The following MRTFA variants were observed in gnomAD, a reference collection of about 807,000 sequenced individuals.
MRTFA encodes myocardin-related transcription factor A.
In MRTFA, 20 loss-of-function variants were observed where a neutral mutation model predicts 83.5. The observed-to-expected ratio is 0.24, with a 90% CI of 0.17 to 0.35. The LOEUF (loss-of-function observed/expected upper bound fraction) is 0.35. MRTFA is among the 10% of genes least tolerant of loss of function. The pLI is 1.00. For synonymous variants in MRTFA, 659 were observed against 541.2 expected (o/e 1.22, Z -3.02); for missense variants, 1,200 against 1,224.7 (o/e 0.98, Z 0.30).
intron 3 of MRTFA, among the ~76,000 whole-genome samples, chr22:40,480,940 C>T (rs1003891995): frequency 6.6e-6 from 1 of 151,786 alleles, no homozygotes; most frequent in Non-Finnish European, 1.5e-5. Flanking sequence ...CTGAGCAACA[C>T]AGGGAGACCC....
At chr22:40,441,896 G>C (rs746368159) in intron 4 of MRTFA, among the ~76,000 whole-genome samples, 1 of 151,908 alleles carries the variant, frequency 6.6e-6, no homozygotes, top group Non-Finnish European at 1.5e-5. Context: ...GAGGAGCTCA[G>C]TGCTGTGCTC....
chr22:40,477,896 CA>C (rs2054024810), intron 3 of MRTFA, among the ~76,000 whole-genome samples: 1 of 151,962 alleles, frequency 6.6e-6, no homozygotes, highest in South Asian at 2.1e-4. Flanking sequence ...AGTTTAGGAA[CA>C]TGTAGTCAGT....
rs182369003 is a variant in MRTFA, at chr22:40,612,923, G to A, written c.-83-18188C>T. The stretch of plus-strand genomic sequence containing the variant: ...GATCATGCCACTGCACTCCACCCTA[G>A]GTGACAGAGCAAGACCCTGGCCCAA... On this transcript the variant is annotated intron_variant, in intron 1 of 14. Transcript: ENST00000355630. 3.1e-4 allele frequency among the ~76,000 whole-genome samples: 47 copies of A among 152,300 alleles called. No individual in the cohort carries two copies. The East Asian group carries it at 8.9e-3, about 29-fold the overall frequency.
chr22:40,441,447 G>C (rs935258315), intron 4 of MRTFA, among the ~76,000 whole-genome samples: 7 of 152,182 alleles, frequency 4.6e-5, no homozygotes, highest in Non-Finnish European at 1.0e-4. Context: ...GTCAATTAAA[G>C]ATATAAAAGG....
intron 2 of MRTFA, chr22:40,588,030 T>TC (rs2056058249): frequency 6.1e-6 from 1 of 165,016 alleles, no homozygotes; most frequent in Non-Finnish European, 1.3e-5. Context: ...CTCCAACATT[T>TC]TTTTTTTTTT....
In MRTFA at chr22:40,429,203, T is replaced by G. The variant is rs1044806706; in HGVS notation, c.601+403A>C. On this transcript the variant is annotated intron_variant, in intron 7 of 14. Coordinates refer to ENST00000355630, the MANE Select transcript of MRTFA (RefSeq NM_020831.6). The stretch of plus-strand genomic sequence containing the variant: ...CAGTATTTGTTAAGTGAAATATCCG[T>G]GGAAAGGGCCAGTCTCCAAGAAGAG... 7.0e-6 allele frequency: 4 copies of G among 573,586 alleles called. No individual in the cohort carries two copies. In the African/African-American group the frequency reaches 7.5e-5, roughly 11 times the overall value. 35.5% of individuals were successfully genotyped at this position (573,586 alleles called of 1,614,324 possible). A position where few individuals can be genotyped will look rare whatever the true frequency, so the allele number is the denominator to read the frequency against.
At chr22:40,511,475 T>C (rs1365731688) in intron 3 of MRTFA, among the ~76,000 whole-genome samples, 4 of 152,174 alleles carry the variant, frequency 2.6e-5, no homozygotes, top group African/African-American at 9.7e-5. Context: ...GGGATATAGA[T>C]ACATATACAC....
At chr22:40,527,885 T>G (rs2055005438) in intron 3 of MRTFA, among the ~76,000 whole-genome samples, 1 of 152,116 alleles carries the variant, frequency 6.6e-6, no homozygotes, top group Non-Finnish European at 1.5e-5. Flanking sequence ...GTTCTTGGTC[T>G]TGACAGCTTG....
Position 40,419,007 on chromosome 22 carries a change from ACCAAAG to A in MRTFA, c.1725_1730del (p.Phe576_Gly577del). On this transcript the variant is annotated inframe_deletion, in exon 12 of 15. Coordinates refer to ENST00000355630, the MANE Select transcript of MRTFA (RefSeq NM_020831.6). ...GCGTCAGAGGTGATGTCACCATCTC[ACCAAAG>A]GTGTCCCCGGGGGTGGAGTTTTCAT... 1 of 1,612,660 alleles carries A rather than the reference ACCAAAG, an allele frequency of 6.2e-7. No homozygotes were observed. Among genetic ancestry groups the A allele is most frequent in the Non-Finnish European group, 8.5e-7 (1 of 1,179,894 alleles).
chr22:40,411,780 T>G lies in MRTFA; in HGVS notation c.2706A>C (p.Pro902=). Residue 902 remains proline (P), a synonymous_variant, in exon 15 of 15, where the codon CCA becomes CCC. Transcript: ENST00000355630. ...GGAGGGAGGGTGAGCCTGGAGGAGG[T>G]GGGGCAGCCTGGGGGAGCTCAGCAG... 6.5e-7 allele frequency: 1 copy of G among 1,531,896 alleles called. No homozygotes were observed. The highest frequency in any genetic ancestry group is 8.8e-7 in the Non-Finnish European group (1 of 1,134,072). 94.9% of individuals were successfully genotyped at this position (1,531,896 alleles called of 1,614,324 possible). A position where few individuals can be genotyped will look rare whatever the true frequency, so the allele number is the denominator to read the frequency against.
chr22:40,463,120 A>G (rs1602285129), intron 4 of MRTFA, 101 bp downstream of exon 4: 4 of 1,005,066 alleles, frequency 4.0e-6, no homozygotes, highest in Middle Eastern at 2.1e-4. Flanking sequence ...AATAAAACGC[A>G]TCATCCTTGT....
At chr22:40,563,383 T>C (rs2055657660) in intron 2 of MRTFA, among the ~76,000 whole-genome samples, 2 of 152,050 alleles carry the variant, frequency 1.3e-5, no homozygotes, top group South Asian at 4.2e-4. Flanking sequence ...GGTTTTTTTG[T>C]CTCAAGTACC....
At chr22:40,592,971 G>A (rs142851184) in intron 2 of MRTFA, among the ~76,000 whole-genome samples, 33 of 152,262 alleles carry the variant, frequency 2.2e-4, no homozygotes, top group African/African-American at 7.5e-4. Context: ...CAGATACAGA[G>A]ATCAAGCAAA....
chr22:40,512,094 A>G (rs1678541262), intron 3 of MRTFA, among the ~76,000 whole-genome samples: 1 of 152,220 alleles, frequency 6.6e-6, no homozygotes, highest in South Asian at 2.1e-4. Context: ...ATTAGTTCAT[A>G]TGTGTCATCT....
intron 6 of MRTFA, 138 bp from the exon 7 acceptor site, chr22:40,429,905 G>A: frequency 1.1e-6 from 1 of 892,558 alleles, no homozygotes; most frequent in South Asian, 1.7e-5. Context: ...AAGCAGAGAA[G>A]AGTGGCCTGT....
At chr22:40,455,107 C>G (rs374662397) in intron 4 of MRTFA, among the ~76,000 whole-genome samples, 8 of 152,104 alleles carry the variant, frequency 5.3e-5, no homozygotes, top group South Asian at 2.1e-4. Context: ...GCCTAAAACT[C>G]CACTTTCTAA....
rs116354538 is a variant in MRTFA at position 40,438,278 on chromosome 22, G to A, written c.308-2724C>T. Among the ~76,000 whole-genome samples the A allele has an allele frequency of 9.1e-3, 1,391 of 152,254 alleles. 24 individuals are homozygous for A. The highest frequency in any genetic ancestry group is 0.032 in the African/African-American group (1,338 of 41,524). On this transcript the variant is annotated intron_variant, in intron 4 of 14. Transcript: ENST00000355630. ...CCCTGAACCAAATGGTATATGTGTC[G>A]ATATATTCAGGTGTTGCTGTCACCA...
rs2052682627 is a variant in MRTFA, at chr22:40,416,505, CT to C, written c.2578+480del. 3.3e-5 allele frequency among the ~76,000 whole-genome samples: 5 copies of C among 152,218 alleles called. No homozygotes were observed. The South Asian group carries it at 1.0e-3, about 31-fold the overall frequency. ...CGCATGATCTGGCCATGAAGGCCTT[CT>C]TCCCCTTTCCTCAACTCCACTCCAA... On this transcript the variant is annotated intron_variant, in intron 14 of 14. Transcript: ENST00000355630. The surrounding 1 kb of genome is among the most constrained non-coding windows in gnomAD (Gnocchi z 4.2).
intron 14 of MRTFA, 84 bp from the exon 15 acceptor site, chr22:40,411,991 A>G (rs2052559402): frequency 8.6e-7 from 1 of 1,166,358 alleles, no homozygotes; most frequent in South Asian, 2.7e-5. Flanking sequence ...GGACCCCCCA[A>G]CGTCACACCA....
Sources: allele counts gnomAD v4.1 joint callset (sites outside exome capture counted in the v4.1 genomes callset), GRCh38; gene constraint gnomAD v4.1.1; non-coding constraint Gnocchi (gnomAD v3.1); transcripts MANE v1.5; gene names NCBI Gene and HGNC (gene_info 2026-07-23, HGNC 2026-07-21).